NDST3: variants seen among roughly 807,000 people sequenced by gnomAD.
The protein encoded by NDST3 is N-deacetylase and N-sulfotransferase 3.
Under a neutral mutation model 96.1 loss-of-function variants are expected in NDST3, and 58 were observed. The observed-to-expected ratio is 0.60, with a 90% CI of 0.49 to 0.75. NDST3 has a LOEUF of 0.75. Among genes scored for constraint, NDST3 ranks in the 30% least tolerant of loss-of-function variants. The pLI, the probability that NDST3 is intolerant of heterozygous loss-of-function variation, is 0.00. For synonymous variants in NDST3, 333 were observed against 359.7 expected, an observed-to-expected ratio of 0.93 and a Z score of 0.84; for missense variants, 788 against 1,034.2, an observed-to-expected ratio of 0.76 and a Z score of 3.27.
At chr4:118,045,569 G>A (rs1349865917) in intron 1 of NDST3, among the ~76,000 whole-genome samples, 1 of 152,070 alleles carries the variant, frequency 6.6e-6, no homozygotes, top group Non-Finnish European at 1.5e-5. Context: ...CCTGTAAATA[G>A]AATATACCAT....
chr4:118,106,862 G>A (rs556581787), intron 3 of NDST3, among the ~76,000 whole-genome samples: 16 of 152,164 alleles, frequency 1.1e-4, no homozygotes, highest in South Asian at 2.1e-4. Context: ...AGGCCGAGGC[G>A]GGTGGATCGC....
intron 12 of NDST3, among the ~76,000 whole-genome samples, chr4:118,251,901 G>C (rs1449514001): frequency 2.0e-5 from 3 of 152,102 alleles, no homozygotes; most frequent in Non-Finnish European, 4.4e-5. Flanking sequence ...TATTTTAAAA[G>C]TATCTAGTCT....
At chr4:118,072,621 T>C (rs368867972) in intron 2 of NDST3, among the ~76,000 whole-genome samples, 6 of 151,844 alleles carry the variant, frequency 4.0e-5, no homozygotes, top group Admixed American at 3.9e-4. Context: ...GATCTAGGAG[T>C]TTTTAGGCAG....
rs1228246124 is a variant in NDST3, at chr4:118,256,737, T to C, written c.*1025T>C. 2.0e-5 allele frequency: 3 copies of C among 152,224 alleles called. No individual in the cohort carries two copies. The highest frequency in any genetic ancestry group is 1.3e-4 in the Admixed American group (2 of 15,286). The allele number at this position is 152,224 out of a possible 1,614,324, so 9.4% of individuals were successfully genotyped here. A position where few individuals can be genotyped will look rare whatever the true frequency, so the allele number is the denominator to read the frequency against. ...TAAAACTAAAAACAGTTTCCCTAGA[T>C]GATGTGGTTAGGCTATTTACATTTA... On this transcript the variant is annotated 3_prime_UTR_variant, in exon 14 of 14. Transcript: ENST00000296499.
intron 2 of NDST3, among the ~76,000 whole-genome samples, chr4:118,075,156 G>T (rs1486712218): frequency 1.3e-5 from 2 of 151,964 alleles, no homozygotes; most frequent in African/African-American, 2.4e-5. Flanking sequence ...GCGGTGTTTG[G>T]TTTTCTGTCC....
rs1475673610 is a variant in NDST3 at position 118,257,093 on chromosome 4, A to G, written c.*1381A>G. The G allele has an allele frequency of 1.3e-5, 2 of 152,174 alleles. No individual in the cohort carries two copies. Among genetic ancestry groups the G allele is most frequent in the African/African-American group, 2.4e-5 (1 of 41,454 alleles). The allele number at this position is 152,174 out of a possible 1,614,324, so 9.4% of individuals were successfully genotyped here. ...ATATATGGTTAATAAAGTTTCCAAAAAAGAAAAGAATACATCATACTTATT... is the reference window on the plus strand; with the variant it reads ...ATATATGGTTAATAAAGTTTCCAAAGAAGAAAAGAATACATCATACTTATT... On this transcript the variant is annotated 3_prime_UTR_variant, in exon 14 of 14. Coordinates refer to ENST00000296499, the MANE Select transcript of NDST3 (RefSeq NM_004784.3).
intron 6 of NDST3, among the ~76,000 whole-genome samples, chr4:118,158,436 TA>T (rs2125922555): frequency 6.6e-6 from 1 of 152,220 alleles, no homozygotes; most frequent in South Asian, 2.1e-4. Flanking sequence ...AAATGGAGGT[TA>T]TAGACATACT....
intron 4 of NDST3, among the ~76,000 whole-genome samples, chr4:118,118,136 T>C (rs1443638184): frequency 6.6e-6 from 1 of 152,242 alleles, no homozygotes; most frequent in Non-Finnish European, 1.5e-5. Context: ...TTCAACTCAC[T>C]AGATGGAACA....
At chr4:118,182,522 A>T (rs1458190377) in intron 6 of NDST3, among the ~76,000 whole-genome samples, 1 of 152,116 alleles carries the variant, frequency 6.6e-6, no homozygotes, top group Non-Finnish European at 1.5e-5. Flanking sequence ...CAGGCAAATG[A>T]TACTGGGATG....
At chr4:118,126,202 TAC>T (rs1243227215) in intron 4 of NDST3, among the ~76,000 whole-genome samples, 2 of 152,040 alleles carry the variant, frequency 1.3e-5, no homozygotes. Flanking sequence ...TATCAAATAG[TAC>T]ATATTATTCA....
chr4:118,105,431 C>G (rs1169255574), intron 3 of NDST3, among the ~76,000 whole-genome samples: 1 of 152,078 alleles, frequency 6.6e-6, no homozygotes, highest in Non-Finnish European at 1.5e-5. Context: ...AGAACACTTC[C>G]AAAATCTCCA....
rs536238702 is a variant in NDST3, at chr4:118,053,903, C to T, written c.-8C>T. On this transcript the variant is annotated 5_prime_UTR_variant, in exon 2 of 14. Coordinates refer to ENST00000296499, the MANE Select transcript of NDST3 (RefSeq NM_004784.3). ...TCTGTTGGCATAGTTGGGGAAAGCA[C>T]CTACAACATGAGTTTTATCATGAAG... is the stretch of plus-strand genomic sequence containing the variant. 2.9e-4 allele frequency: 467 copies of T among 1,583,700 alleles called. 5 individuals are homozygous for T. The South Asian group carries it at 5.1e-3, about 17-fold the overall frequency.
rs372618209 is a variant in NDST3 at position 118,100,641 on chromosome 4, A to G, written c.982-4377A>G. Among the ~76,000 whole-genome samples the G allele has an allele frequency of 2.5e-4, 38 of 152,242 alleles. 1 individual carries two copies. Among genetic ancestry groups the G allele is most frequent in the South Asian group, 1.9e-3 (9 of 4,820 alleles). On this transcript the variant is annotated intron_variant, in intron 2 of 13. Transcript: ENST00000296499. ...CGTTTCTGGAAGATTATGTCACCAC[A>G]GTTCTGTATGCCAGTGATAAGAGGG...
At chr4:118,078,803 T>G (rs1043305893) in intron 2 of NDST3, among the ~76,000 whole-genome samples, 1 of 151,772 alleles carries the variant, frequency 6.6e-6, no homozygotes, top group African/African-American at 2.4e-5. Context: ...TCCATTTAAG[T>G]AACCCTAGGC....
At chr4:118,180,020 A>G (rs951984846) in intron 6 of NDST3, among the ~76,000 whole-genome samples, 3 of 152,116 alleles carry the variant, frequency 2.0e-5, no homozygotes, top group African/African-American at 7.2e-5. Flanking sequence ...CATGGTTCTT[A>G]ACACATCTAG....
chr4:118,193,552 G>A, intron 6 of NDST3: 1 of 1,024,780 alleles, frequency 9.8e-7, no homozygotes, highest in South Asian at 1.3e-5. Flanking sequence ...TGTTGGCGTA[G>A]AGCGTCTTCT....
At chr4:118,123,572 A>G (rs566053431) in intron 4 of NDST3, among the ~76,000 whole-genome samples, 8 of 152,236 alleles carry the variant, frequency 5.3e-5, no homozygotes, top group Admixed American at 2.0e-4. Context: ...CATTTCTATA[A>G]ACCTTTTCTT....
intron 2 of NDST3, among the ~76,000 whole-genome samples, chr4:118,081,939 T>C (rs1001558729): frequency 2.0e-5 from 3 of 152,186 alleles, no homozygotes; most frequent in Non-Finnish European, 2.9e-5. Flanking sequence ...CCAATGCTCA[T>C]TTTCAAGCCA....
intron 6 of NDST3, chr4:118,194,641 CGAT>C: frequency 1.5e-6 from 1 of 686,870 alleles, no homozygotes; most frequent in South Asian, 1.6e-5. Flanking sequence ...TGCCCTCTCT[CGAT>C]GACCTTCAGC....
Sources: allele counts gnomAD v4.1 joint callset (sites outside exome capture counted in the v4.1 genomes callset), GRCh38; gene constraint gnomAD v4.1.1; transcripts MANE v1.5; gene names NCBI Gene and HGNC (gene_info 2026-07-23, HGNC 2026-07-21).